CPXM2: variants seen among roughly 807,000 people sequenced by gnomAD.
CPXM2 encodes carboxypeptidase X, M14 family member 2.
CPXM2 carries 66 observed loss-of-function variants against 86.1 expected under a neutral mutation model. The observed-to-expected ratio is 0.77, with a 90% confidence interval of 0.63 to 0.94. The LOEUF is 0.94. CPXM2 is among the 40% of genes least tolerant of loss of function. CPXM2 has a pLI of 0.00. For synonymous variants in CPXM2, 388 were observed against 400.2 expected (o/e 0.97, Z 0.36); for missense variants, 948 against 1,026.3 (o/e 0.92, Z 1.04).
chr10:123,820,524 A>G (rs1847902987), intron 4 of CPXM2, among the ~76,000 whole-genome samples: 1 of 152,186 alleles, frequency 6.6e-6, no homozygotes, highest in South Asian at 2.1e-4. Flanking sequence ...AGCTGTATGA[A>G]TTCCCTATGA....
At chr10:123,927,382 A>G (rs1387159888) in intron 2 of CPXM2, among the ~76,000 whole-genome samples, 1 of 152,226 alleles carries the variant, frequency 6.6e-6, no homozygotes, top group Non-Finnish European at 1.5e-5. Context: ...GAGAATCAGA[A>G]TAGCCAATTC....
chr10:123,825,486 A>G (rs939048779), intron 4 of CPXM2, among the ~76,000 whole-genome samples: 1 of 152,156 alleles, frequency 6.6e-6, no homozygotes, highest in African/African-American at 2.4e-5. Context: ...GGAAATATTT[A>G]CTGTACAGTT....
At chr10:123,916,485 G>C (rs553575410) in intron 2 of CPXM2, among the ~76,000 whole-genome samples, 6 of 152,256 alleles carry the variant, frequency 3.9e-5, no homozygotes, top group Middle Eastern at 6.8e-3. Context: ...GGAGCCCCAT[G>C]GGAGTTCCTA....
intron 4 of CPXM2, among the ~76,000 whole-genome samples, chr10:123,812,369 G>A (rs2134094775): frequency 6.6e-6 from 1 of 152,252 alleles, no homozygotes; most frequent in Admixed American, 6.5e-5. Flanking sequence ...TTTTTATAAA[G>A]CCTGAACCAA....
intron 4 of CPXM2, among the ~76,000 whole-genome samples, chr10:123,809,074 C>T (rs1422344060): frequency 6.6e-6 from 1 of 152,086 alleles, no homozygotes; most frequent in African/African-American, 2.4e-5. Flanking sequence ...ACGTGAATCA[C>T]CCCTTTGTCT....
intron 3 of CPXM2, among the ~76,000 whole-genome samples, chr10:123,857,906 G>C (rs1268472952): frequency 6.6e-6 from 1 of 151,764 alleles, no homozygotes; most frequent in Non-Finnish European, 1.5e-5. Flanking sequence ...GCACTCTGTG[G>C]TCAGGTGCTG....
chr10:123,878,507 G>GTA (rs1491092696), intron 2 of CPXM2, among the ~76,000 whole-genome samples: 14 of 7,332 alleles, frequency 1.9e-3, no homozygotes, highest in African/African-American at 9.2e-3. Flanking sequence ...AAATTCAGAC[G>GTA]TGTGTGTGTG....
Position 123,768,708 on chromosome 10 carries a change from G to A in CPXM2, c.1117C>T (p.His373Tyr). 6.2e-7 allele frequency: 1 copy of A among 1,609,292 alleles called. No homozygotes were observed. The change falls in exon 9 of 14, where the codon CAC becomes TAC. Residue 373 changes from histidine to tyrosine, a missense_variant. Transcript: ENST00000241305. The stretch of plus-strand genomic sequence containing the variant: ...TTGCCGTGGGCCCCCGCGATGTAGT[G>A]GAACTCGGGCTCACCTTTACTCAAA... ...GEHEVGEPEFHYIAGAHGNEV... is the reference protein window; with the variant it reads ...GEHEVGEPEFYYIAGAHGNEV...
chr10:123,914,207 A>G (rs928201463), intron 2 of CPXM2: 1 of 400,460 alleles, frequency 2.5e-6, no homozygotes, highest in Non-Finnish European at 5.0e-6. Context: ...GCTAACCATG[A>G]GTCTACTTCT....
At chr10:123,817,377 C>G (rs958628296) in intron 4 of CPXM2, among the ~76,000 whole-genome samples, 1 of 152,122 alleles carries the variant, frequency 6.6e-6, no homozygotes, top group Non-Finnish European at 1.5e-5. Flanking sequence ...GCAGAGGCCT[C>G]TAGGATTTTG....
At chr10:123,801,582 C>T (rs541877372) in intron 4 of CPXM2, among the ~76,000 whole-genome samples, 6 of 152,294 alleles carry the variant, frequency 3.9e-5, no homozygotes, top group Admixed American at 3.9e-4. Context: ...TAAATTGCTC[C>T]CCCATCTATC....
chr10:123,829,637 G>A (rs933290769), intron 4 of CPXM2, among the ~76,000 whole-genome samples: 4 of 152,110 alleles, frequency 2.6e-5, no homozygotes, highest in African/African-American at 9.7e-5. Context: ...AAGATCAACA[G>A]AAATTTTTCA....
chr10:123,800,600 G>A lies in CPXM2; in HGVS notation c.654-1401C>T, dbSNP rs75570007. 8.6e-3 allele frequency among the ~76,000 whole-genome samples: 1,310 copies of A among 152,218 alleles called. 19 individuals carry two copies. The highest frequency in any genetic ancestry group is 0.029 in the African/African-American group (1,220 of 41,518). ...GGCCCGAGGGTGATACAGCAAGACAGACAACAGAGGCGGGAGCTGTATCCT... is the reference window on the plus strand; with the variant it reads ...GGCCCGAGGGTGATACAGCAAGACAAACAACAGAGGCGGGAGCTGTATCCT... On this transcript the variant is annotated intron_variant, in intron 4 of 13. Transcript: ENST00000241305.
chr10:123,765,357 GACA>G (rs1338391052), intron 10 of CPXM2, among the ~76,000 whole-genome samples: 1 of 152,256 alleles, frequency 6.6e-6, no homozygotes, highest in African/African-American at 2.4e-5. Flanking sequence ...TGTAGTTCTA[GACA>G]ACAAGCTCAA....
chr10:123,897,894 A>C (rs1945350583), intron 2 of CPXM2, among the ~76,000 whole-genome samples: 1 of 152,220 alleles, frequency 6.6e-6, no homozygotes, highest in African/African-American at 2.4e-5. Flanking sequence ...AAGGGTTTGG[A>C]AGGTCTGAGT....
Position 123,746,917 on chromosome 10 carries a change from G to A in CPXM2, c.2118C>T (p.Gly706=). 6.2e-7 allele frequency: 1 copy of A among 1,614,204 alleles called. No homozygotes were observed. The stretch of plus-strand genomic sequence containing the variant: ...CACACCTTGTGGCCCCCATGTCATA[G>A]CCAACCATACAGTTCTTGGTGGATG... The part of the protein sequence containing the change: ...FTASTKNCMV[G]YDMGATRCDF... The change falls in exon 14 of 14, where the codon GGC becomes GGT. Residue 706 remains glycine (G), a synonymous_variant. Transcript: ENST00000241305.
intron 3 of CPXM2, among the ~76,000 whole-genome samples, chr10:123,845,039 C>G (rs1001441417): frequency 2.0e-5 from 3 of 150,824 alleles, no homozygotes; most frequent in East Asian, 3.9e-4. Flanking sequence ...TGCACTCTAG[C>G]CTGGGTGACA....
chr10:123,916,764 TTC>T (rs151227779), intron 2 of CPXM2, among the ~76,000 whole-genome samples: 5,834 of 138,294 alleles, frequency 0.042, 350 homozygotes, highest in African/African-American at 0.13. Flanking sequence ...TGCCATTTGA[TTC>T]TCTCTCTCTC....
At chr10:123,793,886 A>G (rs903740919) in intron 6 of CPXM2, among the ~76,000 whole-genome samples, 4 of 152,250 alleles carry the variant, frequency 2.6e-5, no homozygotes, top group Admixed American at 2.0e-4. Context: ...TCTTGCACCC[A>G]TGGTGACCCA....
Sources: allele counts gnomAD v4.1 joint callset (sites outside exome capture counted in the v4.1 genomes callset), GRCh38; gene constraint gnomAD v4.1.1; transcripts MANE v1.5; gene names NCBI Gene and HGNC (gene_info 2026-07-23, HGNC 2026-07-21).